The following BTF3L4 variants were observed in gnomAD, a reference collection of about 807,000 sequenced individuals.
BTF3L4 encodes the protein basic transcription factor 3 like 4, also known as transcription factor BTF3 homolog 4.
In BTF3L4, 6 loss-of-function variants were observed where a neutral mutation model predicts 16.8. That is an observed-to-expected ratio of 0.36 (90% confidence interval 0.20 to 0.71). The LOEUF (loss-of-function observed/expected upper bound fraction) is 0.71, where lower values mean the gene tolerates loss of function less well. Ranked by LOEUF, BTF3L4 falls within the 30% of genes least tolerant of loss-of-function variation. The pLI is 0.58. For missense variants in BTF3L4, 92 were observed against 186.9 expected (o/e 0.49, Z 2.96); for synonymous variants, 39 against 59.8 (o/e 0.65, Z 1.60).
chr1:52,078,430 G>A (rs1030662489), intron 3 of BTF3L4, among the ~76,000 whole-genome samples: 12 of 152,058 alleles, frequency 7.9e-5, no homozygotes, highest in South Asian at 2.1e-4. Context: ...TGATTATTAT[G>A]TACTAGATAT....
chr1:52,066,903 G>A (rs1216065732), intron 3 of BTF3L4, among the ~76,000 whole-genome samples: 1 of 151,640 alleles, frequency 6.6e-6, no homozygotes, highest in Non-Finnish European at 1.5e-5. Flanking sequence ...TTAAATAGGT[G>A]ACTAATGTAC....
chr1:52,080,193 G>A (rs1455689993), intron 3 of BTF3L4, among the ~76,000 whole-genome samples: 2 of 151,962 alleles, frequency 1.3e-5, no homozygotes, highest in Non-Finnish European at 2.9e-5. Context: ...GCAAATAAGC[G>A]TTTTAAGTAT....
intron 1 of BTF3L4, among the ~76,000 whole-genome samples, chr1:52,057,991 G>C (rs185774808): frequency 3.3e-5 from 5 of 152,138 alleles, no homozygotes. Context: ...AATCCCAAAG[G>C]GTTTACCAAG....
intron 3 of BTF3L4, among the ~76,000 whole-genome samples, chr1:52,078,914 G>A (rs1255628805): frequency 2.0e-5 from 3 of 152,120 alleles, no homozygotes; most frequent in Non-Finnish European, 4.4e-5. Flanking sequence ...TGCTGGTATA[G>A]TTGCTAATTT....
At chr1:52,074,367 A>ATT (rs754757886) in intron 3 of BTF3L4, among the ~76,000 whole-genome samples, 6 of 138,482 alleles carry the variant, frequency 4.3e-5, no homozygotes, top group South Asian at 2.3e-4. Flanking sequence ...CAACCAGCTA[A>ATT]TTTTTTTTTT....
rs77129738 is a variant in BTF3L4 at position 52,067,584 on chromosome 1, C to G, written c.168+2646C>G. 4.8e-3 allele frequency among the ~76,000 whole-genome samples: 729 copies of G among 152,222 alleles called. 13 individuals are homozygous for G. The South Asian group carries it at 0.054, about 11-fold the overall frequency. ...ATATTTTAGAGACCGTTCTCTTAATCTTAGATACATATTAGAAAAAACAAA... is the reference window on the plus strand; with the variant it reads ...ATATTTTAGAGACCGTTCTCTTAATGTTAGATACATATTAGAAAAAACAAA... On this transcript the variant is annotated intron_variant, in intron 3 of 5. Transcript: ENST00000313334.
chr1:52,072,095 C>T (rs1426450829), intron 3 of BTF3L4, among the ~76,000 whole-genome samples: 1 of 148,784 alleles, frequency 6.7e-6, no homozygotes, highest in East Asian at 2.0e-4. Context: ...CGCTCTTTTG[C>T]CCAGGCTGGA....
At chr1:52,082,429 C>G (rs2124444608) in intron 3 of BTF3L4, among the ~76,000 whole-genome samples, 1 of 152,182 alleles carries the variant, frequency 6.6e-6, no homozygotes, top group South Asian at 2.1e-4. Flanking sequence ...TGTTGAGAAG[C>G]TACCCTTAAG....
In BTF3L4 at chr1:52,075,947, G is replaced by T. The variant is rs190287739; in HGVS notation, c.169-7393G>T. ...CCCGAAGCGTAGGGATTACAGGAGTGAGCCACTGTGCTCGGCCTCTGTAGA... is the reference window on the plus strand; with the variant it reads ...CCCGAAGCGTAGGGATTACAGGAGTTAGCCACTGTGCTCGGCCTCTGTAGA... On this transcript the variant is annotated intron_variant, in intron 3 of 5. Transcript: ENST00000313334. 8.3e-4 allele frequency among the ~76,000 whole-genome samples: 127 copies of T among 152,294 alleles called. 2 individuals are homozygous for T. Among genetic ancestry groups the T allele is most frequent in the African/African-American group, 2.9e-3 (122 of 41,574 alleles).
chr1:52,056,548 G>A (rs1231178684), intron 1 of BTF3L4, among the ~76,000 whole-genome samples, 169 bp downstream of exon 1: 3 of 152,256 alleles, frequency 2.0e-5, no homozygotes, highest in Admixed American at 6.5e-5. Context: ...CGGCGGCGCA[G>A]CTGGGGGTCG....
Position 52,088,729 on chromosome 1 carries a change from G to C in BTF3L4, c.*1971G>C, listed in dbSNP as rs980718502. The C allele has an allele frequency of 6.6e-6, 1 of 152,114 alleles. No individual in the cohort carries two copies. The highest frequency in any genetic ancestry group is 2.4e-5 in the African/African-American group (1 of 41,414). 9.4% of individuals were successfully genotyped at this position (152,114 alleles called of 1,614,324 possible). A position where few individuals can be genotyped will look rare whatever the true frequency, so the allele number is the denominator to read the frequency against. On this transcript the variant is annotated 3_prime_UTR_variant, in exon 6 of 6. Transcript: ENST00000313334. ...CTCTGGCATTATGTGACCTTGGACAGGTCATCTAACTACTCTGAAATTTAT... is the reference window on the plus strand; with the variant it reads ...CTCTGGCATTATGTGACCTTGGACACGTCATCTAACTACTCTGAAATTTAT...
chr1:52,061,755 C>T (rs1348060532), intron 2 of BTF3L4, among the ~76,000 whole-genome samples: 1 of 150,474 alleles, frequency 6.6e-6, no homozygotes. Context: ...ATTCTCCTGC[C>T]TCAGTCTCCT....
chr1:52,056,603 G>A (rs1262682813), intron 1 of BTF3L4, among the ~76,000 whole-genome samples: 1 of 152,240 alleles, frequency 6.6e-6, no homozygotes, highest in East Asian at 1.9e-4. Context: ...CTGTGGGAGC[G>A]AGCGGGCCCG....
intron 3 of BTF3L4, among the ~76,000 whole-genome samples, chr1:52,073,759 C>T (rs987562298): frequency 2.9e-4 from 42 of 146,424 alleles, no homozygotes; most frequent in African/African-American, 1.0e-3. Context: ...CAGTACTTTG[C>T]GAGGCCAAGG....
intron 4 of BTF3L4, among the ~76,000 whole-genome samples, chr1:52,084,340 G>T (rs6693475): frequency 6.6e-6 from 1 of 151,930 alleles, no homozygotes; most frequent in East Asian, 1.9e-4. Flanking sequence ...ACAGGGTTTC[G>T]CCATGGTGGC....
chr1:52,060,538 A>G, intron 2 of BTF3L4: 1 of 1,231,234 alleles, frequency 8.1e-7, no homozygotes, highest in Non-Finnish European at 1.1e-6. Flanking sequence ...TGAGCAACTG[A>G]AGTCTTTGAT....
At chr1:52,080,879 A>G (rs567333035) in intron 3 of BTF3L4, among the ~76,000 whole-genome samples, 5 of 126,738 alleles carry the variant, frequency 3.9e-5, no homozygotes, top group Admixed American at 3.9e-4. Flanking sequence ...CTCACTCGGT[A>G]GCCAGGCTGG....
chr1:52,074,278 A>G (rs1235041189), intron 3 of BTF3L4, among the ~76,000 whole-genome samples: 1 of 151,446 alleles, frequency 6.6e-6, no homozygotes, highest in Non-Finnish European at 1.5e-5. Flanking sequence ...GCTCACTGCA[A>G]CCTCTGCTTC....
chr1:52,075,052 C>T (rs995724319), intron 3 of BTF3L4, among the ~76,000 whole-genome samples: 4 of 151,730 alleles, frequency 2.6e-5, no homozygotes, highest in Non-Finnish European at 5.9e-5. Context: ...CCACCACACC[C>T]GGCCAATAAT....
Sources: gnomAD v4.1 joint callset for allele counts (sites outside exome capture counted in the v4.1 genomes callset) on GRCh38, gnomAD v4.1.1 for gene constraint, MANE v1.5 for transcripts, NCBI Gene and HGNC (gene_info 2026-07-23, HGNC 2026-07-21) for gene names.